The following RBBP8 variants were observed in gnomAD, a reference collection of about 807,000 sequenced individuals.
The protein encoded by RBBP8 is RB binding protein 8, endonuclease, also known as DNA endonuclease RBBP8.
In RBBP8, 88 loss-of-function variants were observed where a neutral mutation model predicts 108.3. The ratio of observed to expected loss-of-function variants is 0.81; its 90% CI spans 0.68 to 0.97. RBBP8 has a LOEUF of 0.97. RBBP8 is among the 50% of genes least tolerant of loss of function. The pLI, the probability that RBBP8 is intolerant of heterozygous loss-of-function variation, is 0.00. For missense variants in RBBP8, 1,023 were observed against 1,049.0 expected, an observed-to-expected ratio of 0.98 and a Z score of 0.34; for synonymous variants, 332 against 348.2, an observed-to-expected ratio of 0.95 and a Z score of 0.52.
intron 6 of RBBP8, among the ~76,000 whole-genome samples, chr18:22,979,259 C>T (rs1328240112): frequency 6.6e-6 from 1 of 151,866 alleles, no homozygotes; most frequent in East Asian, 1.9e-4. Context: ...AAGGAGACTC[C>T]GTCTCAAAAA....
chr18:22,922,803 TAAAG>T (rs1332605011), intron 3 of RBBP8, among the ~76,000 whole-genome samples: 1 of 152,158 alleles, frequency 6.6e-6, no homozygotes, highest in Non-Finnish European at 1.5e-5. Context: ...CTGAAATAAA[TAAAG>T]AGATTAGTTT....
chr18:22,984,047 C>T (rs569586224), intron 7 of RBBP8, among the ~76,000 whole-genome samples: 1 of 152,244 alleles, frequency 6.6e-6, no homozygotes, highest in East Asian at 1.9e-4. Context: ...TGCCACTGCA[C>T]TCCAGCCTGG....
intron 16 of RBBP8, among the ~76,000 whole-genome samples, chr18:23,014,020 G>C (rs1008663805): frequency 6.6e-5 from 10 of 151,466 alleles, no homozygotes; most frequent in African/African-American, 2.4e-4. Flanking sequence ...TTTATTTAGA[G>C]ACAGAGTCTC....
At position 22,982,283 on chromosome 18, in the gene RBBP8, T is replaced by C. The variant is rs1914983272; in HGVS notation, c.494T>C (p.Ile165Thr). The C allele has an allele frequency of 1.9e-6, 3 of 1,614,180 alleles. No homozygotes were observed. In the East Asian group the frequency reaches 6.7e-5, roughly 36 times the overall value. ...GAAGACGTTATTCCAGATTCACCGA[T>C]AACAGCCTTCTCATTTTCTGGCGTT... ...CEEDVIPDSP[I>T]TAFSFSGVNR... The change falls in exon 7 of 19, where the codon ATA becomes ACA. Residue 165 changes from isoleucine (I) to threonine (T), a missense_variant. Coordinates refer to ENST00000327155, the MANE Select transcript of RBBP8 (RefSeq NM_002894.3).
At chr18:22,979,680 C>T (rs1287019859) in intron 6 of RBBP8, among the ~76,000 whole-genome samples, 1 of 152,156 alleles carries the variant, frequency 6.6e-6, no homozygotes, top group African/African-American at 2.4e-5. Flanking sequence ...ATGGGAAAGT[C>T]AATTAACTTT....
At chr18:22,956,500 G>A (rs1912557998) in intron 4 of RBBP8, among the ~76,000 whole-genome samples, 1 of 152,042 alleles carries the variant, frequency 6.6e-6, no homozygotes, top group African/African-American at 2.4e-5. Flanking sequence ...GCCATGCCTG[G>A]CTAATTTTTT....
At chr18:22,983,360 A>G (rs1915082396) in intron 7 of RBBP8, among the ~76,000 whole-genome samples, 1 of 152,236 alleles carries the variant, frequency 6.6e-6, no homozygotes, top group Non-Finnish European at 1.5e-5. Flanking sequence ...AGATGTTGGA[A>G]CATTGACAGT....
At chr18:22,992,705 C>T in intron 10 of RBBP8, 43 bp from the exon 11 acceptor site, 8 of 1,510,566 alleles carry the variant, frequency 5.3e-6, no homozygotes, top group Non-Finnish European at 6.4e-6. Context: ...TAAGACCTTA[C>T]TATTAATTCT....
At position 22,936,897 on chromosome 18, in the gene RBBP8, A is replaced by G. The variant is rs766050259; in HGVS notation, c.46A>G (p.Thr16Ala). The change falls in exon 2 of 19, where the codon ACA becomes GCA. Residue 16 changes from threonine to alanine, a missense_variant. Transcript: ENST00000327155. The part of the protein sequence containing the change: ...SSCGSPNSAD[T>A]SSDFKDLWTK... ...CTGTGGAAGCCCTAACTCTGCAGAT[A>G]CATCTAGTGACTTTAAGGACCTTTG... 20 of 1,614,200 alleles carry G rather than the reference A, an allele frequency of 1.2e-5. No homozygotes were observed. Among genetic ancestry groups the G allele is most frequent in the Non-Finnish European group, 1.7e-5 (20 of 1,180,034 alleles).
At chr18:22,947,877 A>G (rs1033755238) in intron 3 of RBBP8, among the ~76,000 whole-genome samples, 3 of 152,036 alleles carry the variant, frequency 2.0e-5, no homozygotes, top group South Asian at 4.1e-4. Context: ...TTTAACTTCA[A>G]CTTAGGTTAT....
chr18:22,924,127 G>GTTTTTTT lies in RBBP8; in HGVS notation c.-153-5242_-153-5236dup, dbSNP rs33978854. The stretch of plus-strand genomic sequence containing the variant: ...GCATTTTTTAGTTAGTTTGTTTTTG[G>GTTTTTTT]TTTTTTTTTTTTTTTTTTTTGAGAC... On this transcript the variant is annotated intron_variant, in intron 3 of 4. Coordinates refer to the RBBP8 transcript ENST00000577588. 3.0e-4 allele frequency among the ~76,000 whole-genome samples: 33 copies of GTTTTTTT among 108,228 alleles called. 1 individual carries two copies. The highest frequency in any genetic ancestry group is 4.9e-4 in the Non-Finnish European group (28 of 56,802). 71.0% of individuals were successfully genotyped at this position (108,228 alleles called of 152,430 possible). A position where few individuals can be genotyped will look rare whatever the true frequency, so the allele number is the denominator to read the frequency against.
At chr18:22,978,581 C>T (rs938594328) in intron 6 of RBBP8, among the ~76,000 whole-genome samples, 14 of 151,776 alleles carry the variant, frequency 9.2e-5, no homozygotes, top group Non-Finnish European at 2.1e-4. Context: ...AATTGCTTCT[C>T]GTGACTCATT....
chr18:22,939,432 A>G lies in RBBP8; in HGVS notation c.109+2472A>G, dbSNP rs181255903. Among the ~76,000 whole-genome samples, 21 of 152,256 alleles carry G rather than the reference A, an allele frequency of 1.4e-4. No homozygotes were observed. The East Asian group carries it at 4.1e-3, about 29-fold the overall frequency. ...TGAGGCAGGAGAATCGCTTGAACCC[A>G]GGAGAATCGTTTGAACCCAGGAGGC... On this transcript the variant is annotated intron_variant, in intron 2 of 18. Coordinates refer to ENST00000327155, the MANE Select transcript of RBBP8 (RefSeq NM_002894.3).
Position 23,026,305 on chromosome 18 carries a change from T to G in RBBP8, c.*65T>G. On this transcript the variant is annotated 3_prime_UTR_variant, in exon 19 of 19. Coordinates refer to ENST00000327155, the MANE Select transcript of RBBP8 (RefSeq NM_002894.3). ...CCTTCTTAGTTATTTATAGTTAAAG[T>G]TGGTACTAAACATTGATTTTTTTGA... 1 of 1,316,908 alleles carries G rather than the reference T, an allele frequency of 7.6e-7. No homozygotes were observed. Among genetic ancestry groups the G allele is most frequent in the Non-Finnish European group, 1.1e-6 (1 of 919,110 alleles). The allele number at this position is 1,316,908 out of a possible 1,614,324, so 81.6% of individuals were successfully genotyped here.
At chr18:23,010,882 G>A (rs921251149) in intron 16 of RBBP8, among the ~76,000 whole-genome samples, 2 of 152,186 alleles carry the variant, frequency 1.3e-5, no homozygotes, top group Non-Finnish European at 2.9e-5. Flanking sequence ...TACTACAGAT[G>A]CTGTTCTGCT....
chr18:22,993,377 G>A lies in RBBP8; in HGVS notation c.1550G>A (p.Arg517Lys). The A allele has an allele frequency of 6.2e-7, 1 of 1,614,168 alleles. No homozygotes were observed. The highest frequency in any genetic ancestry group is 8.5e-7 in the Non-Finnish European group (1 of 1,180,028). Residue 517 changes from arginine (R) to lysine (K), a missense_variant, in exon 11 of 19, where the codon AGG (arginine) becomes AAG (lysine). Transcript: ENST00000327155. Reference sequence around the variant, plus strand: ...AGTGAGACTTCTAAAAACAAATTTAGGCAAGTGACTCTTTATGAGGCTTTG... The same window carrying A: ...AGTGAGACTTCTAAAAACAAATTTAAGCAAGTGACTCTTTATGAGGCTTTG... Reference protein sequence around the residue: ...QGSETSKNKFRQVTLYEALKT... With the variant: ...QGSETSKNKFKQVTLYEALKT...
At chr18:22,923,799 A>G (rs1487215962) in intron 3 of RBBP8, among the ~76,000 whole-genome samples, 1 of 152,210 alleles carries the variant, frequency 6.6e-6, no homozygotes, top group Non-Finnish European at 1.5e-5. Context: ...ACTTGATTTT[A>G]AATTTTGTAC....
At position 22,968,717 on chromosome 18, in the gene RBBP8, T is replaced by C. The variant is rs1598680493; in HGVS notation, c.249-89T>C. The C allele has an allele frequency of 2.9e-6, 3 of 1,019,380 alleles. No homozygotes were observed. The East Asian group carries it at 7.9e-5, about 27-fold the overall frequency. 63.1% of individuals were successfully genotyped at this position (1,019,380 alleles called of 1,614,324 possible). ...GTTGATTTTCACAGTATTTGCCAAG[T>C]CAGTTCCTTAAATCTTTATAAAAGT... On this transcript the variant is annotated intron_variant, in intron 4 of 18. Coordinates refer to ENST00000327155, the MANE Select transcript of RBBP8 (RefSeq NM_002894.3).
At chr18:22,990,403 A>G (rs1405770612) in intron 9 of RBBP8, among the ~76,000 whole-genome samples, 1 of 152,182 alleles carries the variant, frequency 6.6e-6, no homozygotes, top group Admixed American at 6.5e-5. Context: ...AGTTATCTCT[A>G]TTCCCTTCCC....
Sources: gnomAD v4.1 joint callset for allele counts (sites outside exome capture counted in the v4.1 genomes callset) on GRCh38, gnomAD v4.1.1 for gene constraint, MANE v1.5 for transcripts, NCBI Gene and HGNC (gene_info 2026-07-23, HGNC 2026-07-21) for gene names.